The following C20orf203 variants were observed in gnomAD, a reference collection of about 807,000 sequenced individuals.
C20orf203 encodes chromosome 20 open reading frame 203.
A neutral mutation model predicts 15.9 loss-of-function variants in C20orf203; 16 were observed. The ratio of observed to expected loss-of-function variants is 1.01; its 90% CI spans 0.68 to 1.53. C20orf203 has a LOEUF of 1.53. Among genes scored for constraint, C20orf203 ranks in the 40% most tolerant of loss-of-function variants. The probability of loss-of-function intolerance (pLI) is 0.00; values close to 1 mark genes in which losing one functional copy is unlikely to be tolerated. For synonymous variants in C20orf203, 98 were observed against 97.2 expected (o/e 1.01, Z -0.05); for missense variants, 263 against 247.5 (o/e 1.06, Z -0.42).
At chr20:32,652,135 C>G (rs752036579) in intron 1 of C20orf203, among the ~76,000 whole-genome samples, 154 bp from the exon 2 acceptor site, 14 of 151,900 alleles carry the variant, frequency 9.2e-5, no homozygotes, top group Non-Finnish European at 1.5e-4. Flanking sequence ...ACAACAAAAC[C>G]TCGTCTCTAC....
chr20:32,641,144 C>A (rs1332694155), intron 4 of C20orf203, among the ~76,000 whole-genome samples: 1 of 151,898 alleles, frequency 6.6e-6, no homozygotes, highest in Non-Finnish European at 1.5e-5. Context: ...CATAGTGAGA[C>A]CCTGTCTCTA....
intron 1 of C20orf203, among the ~76,000 whole-genome samples, chr20:32,668,463 T>C (rs1983086024): frequency 6.6e-6 from 1 of 151,684 alleles, no homozygotes; most frequent in South Asian, 2.1e-4. Flanking sequence ...CCATCTCTAC[T>C]AAAAATACAA....
intron 1 of C20orf203, among the ~76,000 whole-genome samples, chr20:32,665,258 T>C: frequency 6.6e-6 from 1 of 152,158 alleles, no homozygotes; most frequent in Non-Finnish European, 1.5e-5. Context: ...TGGGGCCCTC[T>C]GGCTGAAGGC....
At chr20:32,653,076 G>A (rs1204558810) in intron 1 of C20orf203, among the ~76,000 whole-genome samples, 1 of 152,164 alleles carries the variant, frequency 6.6e-6, no homozygotes, top group Non-Finnish European at 1.5e-5. Flanking sequence ...ACCCAAGCTG[G>A]GCCAAATGAT....
chr20:32,669,230 T>C (rs929441850), intron 1 of C20orf203, among the ~76,000 whole-genome samples: 1 of 152,142 alleles, frequency 6.6e-6, no homozygotes, highest in Non-Finnish European at 1.5e-5. Flanking sequence ...GAACTTGTGT[T>C]AACTGGGGGC....
At chr20:32,637,963 C>T (rs951058931) in intron 5 of C20orf203, among the ~76,000 whole-genome samples, 5 of 151,410 alleles carry the variant, frequency 3.3e-5, no homozygotes, top group African/African-American at 1.2e-4. Context: ...TGTGTGCGCC[C>T]ATGTGTCTGT....
chr20:32,640,718 A>C (rs372030618), intron 4 of C20orf203, 31 bp from the exon 5 acceptor site: 1 of 152,104 alleles, frequency 6.6e-6, no homozygotes, highest in Non-Finnish European at 1.5e-5. Context: ...AACAAACAAA[A>C]AAAACAAAAA....
intron 4 of C20orf203, among the ~76,000 whole-genome samples, chr20:32,645,471 G>C (rs546509310): frequency 1.1e-4 from 17 of 152,178 alleles, no homozygotes; most frequent in African/African-American, 3.9e-4. Flanking sequence ...CCCCTGGGGG[G>C]ATATTCTCCC....
At chr20:32,641,333 CAA>C (rs71338447) in intron 4 of C20orf203, among the ~76,000 whole-genome samples, 17 of 56,942 alleles carry the variant, frequency 3.0e-4, no homozygotes, top group East Asian at 4.2e-4. Flanking sequence ...CTCAAAAACT[CAA>C]AAAAAAAAAA....
rs58582539 is a variant in C20orf203 at position 32,648,607 on chromosome 20, A to ATGTT, written c.*1177+647_*1177+648insAACA. 1.7e-4 allele frequency among the ~76,000 whole-genome samples: 21 copies of ATGTT among 125,924 alleles called. 2 individuals are homozygous for ATGTT. The highest frequency in any genetic ancestry group is 2.3e-4 in the Admixed American group (3 of 12,914). The allele number at this position is 125,924 out of a possible 152,430, so 82.6% of individuals were successfully genotyped here. A position where few individuals can be genotyped will look rare whatever the true frequency, so the allele number is the denominator to read the frequency against. ...AGGCGCCTGCTGCCAAATCTGGCTA[A>ATGTT]TTTTTTTTTTTTGTGTGTGTGTTTT... On this transcript the variant is annotated intron_variant, in intron 4 of 5. Coordinates refer to ENST00000608990, the MANE Select transcript of C20orf203 (RefSeq NM_182584.4).
At chr20:32,639,011 G>A (rs1982208642) in intron 5 of C20orf203, among the ~76,000 whole-genome samples, 1 of 152,352 alleles carries the variant, frequency 6.6e-6, no homozygotes, top group African/African-American at 2.4e-5. Context: ...AGGCAGCGAG[G>A]TAGCTGCCCA....
Position 32,651,029 on chromosome 20 carries a change from T to G in C20orf203, c.124A>C (p.Met42Leu). Residue 42 changes from methionine (M) to leucine (L), a missense_variant, in exon 3 of 6, where the codon ATG becomes CTG. Coordinates refer to ENST00000608990, the MANE Select transcript of C20orf203 (RefSeq NM_182584.4). ...ACAGCACTTCTTACCCGGCTCAGCA[T>G]TCCAGTTTTTGTAAAGGGAAAACTG... is the stretch of plus-strand genomic sequence containing the variant. ...LASFPFTKTGMLSRATSVLAG... is the reference protein window; with the variant it reads ...LASFPFTKTGLLSRATSVLAG... 6.7e-7 allele frequency: 1 copy of G among 1,502,542 alleles called. No homozygotes were observed. The highest frequency in any genetic ancestry group is 8.9e-7 in the Non-Finnish European group (1 of 1,122,638). The allele number at this position is 1,502,542 out of a possible 1,614,324, so 93.1% of individuals were successfully genotyped here. A position where few individuals can be genotyped will look rare whatever the true frequency, so the allele number is the denominator to read the frequency against.
At chr20:32,667,428 A>T (rs921906359) in intron 1 of C20orf203, among the ~76,000 whole-genome samples, 9 of 152,198 alleles carry the variant, frequency 5.9e-5, no homozygotes, top group Admixed American at 1.3e-4. Flanking sequence ...AATACTGACA[A>T]GGCTGTGGGC....
intron 4 of C20orf203, among the ~76,000 whole-genome samples, chr20:32,644,714 C>T (rs1037442566): frequency 3.9e-5 from 6 of 152,080 alleles, no homozygotes; most frequent in Non-Finnish European, 7.4e-5. Flanking sequence ...AGAGAGTGGC[C>T]TCTTGAACAC....
chr20:32,635,420 C>T (rs778330839), intron 5 of C20orf203, among the ~76,000 whole-genome samples: 1 of 151,402 alleles, frequency 6.6e-6, no homozygotes, highest in East Asian at 1.9e-4. Context: ...TGCTTGAACC[C>T]GGGAGATGGA....
intron 1 of C20orf203, among the ~76,000 whole-genome samples, chr20:32,652,582 C>T (rs1231932010): frequency 1.3e-5 from 2 of 151,896 alleles, no homozygotes; most frequent in Non-Finnish European, 2.9e-5. Flanking sequence ...GTGATTCCTG[C>T]TTCGAAGGTT....
intron 1 of C20orf203, among the ~76,000 whole-genome samples, chr20:32,652,385 C>T (rs1247616951): frequency 1.3e-5 from 2 of 151,426 alleles, no homozygotes; most frequent in East Asian, 3.9e-4. Flanking sequence ...CCCAGCAGCC[C>T]TCCATGCAAA....
intron 4 of C20orf203, among the ~76,000 whole-genome samples, chr20:32,645,806 A>C (rs769322208): frequency 6.6e-6 from 1 of 152,246 alleles, no homozygotes; most frequent in Non-Finnish European, 1.5e-5. Flanking sequence ...GTGAGGCAGC[A>C]GTGGGCATCA....
At chr20:32,662,895 A>AC (rs1555817798) in intron 1 of C20orf203, among the ~76,000 whole-genome samples, 1 of 150,006 alleles carries the variant, frequency 6.7e-6, no homozygotes, top group African/African-American at 2.4e-5. Context: ...AAAAAAAAAA[A>AC]AAAAACAAGA....
Sources: allele counts gnomAD v4.1 joint callset (sites outside exome capture counted in the v4.1 genomes callset), GRCh38; gene constraint gnomAD v4.1.1; transcripts MANE v1.5; gene names NCBI Gene and HGNC (gene_info 2026-07-23, HGNC 2026-07-21).